The following RIF1 variants were observed in gnomAD, a reference collection of about 807,000 sequenced individuals.
The protein encoded by RIF1 is replication timing regulatory factor 1.
In RIF1, 45 loss-of-function variants were observed where a neutral mutation model predicts 247.1. The ratio of observed to expected loss-of-function variants is 0.18; its 90% CI spans 0.14 to 0.23. The LOEUF (loss-of-function observed/expected upper bound fraction) is 0.23. Among genes scored for constraint, RIF1 ranks in the 10% least tolerant of loss-of-function variants. The probability of loss-of-function intolerance (pLI) is 1.00; values close to 1 mark genes in which losing one functional copy is unlikely to be tolerated. For missense variants in RIF1, 2,967 were observed against 2,862.5 expected (o/e 1.04, Z -0.83); for synonymous variants, 1,087 against 978.8 (o/e 1.11, Z -2.06).
the RIF1 span, chr2:151,527,340 C>A: frequency 2.4e-5 from 18 of 749,644 alleles, no homozygotes; most frequent in Non-Finnish European, 3.9e-5. Flanking sequence ...GCCTATCGCT[C>A]CCCCAACCAT....
intron 10 of RIF1, among the ~76,000 whole-genome samples, chr2:151,498,844 T>C (rs778293502): frequency 6.6e-6 from 1 of 151,554 alleles, no homozygotes; most frequent in South Asian, 2.1e-4. Context: ...GGTGAACACA[T>C]TGAGAACAAC....
intron 12 of RIF1, among the ~76,000 whole-genome samples, chr2:151,503,875 G>C (rs932920118): frequency 1.3e-5 from 2 of 152,038 alleles, no homozygotes; most frequent in African/African-American, 4.8e-5. Context: ...TTTTTGTTTT[G>C]TATGTTCTAA....
intron 20 of RIF1, among the ~76,000 whole-genome samples, chr2:151,449,440 TTTTTCTTTC>T (rs1484527844): frequency 5.3e-5 from 8 of 151,954 alleles, no homozygotes; most frequent in South Asian, 2.1e-4. Context: ...TCTTTCTCTC[TTTTTCTTTC>T]TTTTCTTTCT....
In RIF1 at chr2:151,451,586, A is replaced by AG; in HGVS notation, c.2245-19dup. ...GTCCCAGTACTTGAATGTTTCTAAC[A>AG]GTGGTACTTTCTTCCCTAGAATTTG... On this transcript the variant is annotated intron_variant, in intron 20 of 35. Coordinates refer to ENST00000444746, the MANE Select transcript of RIF1 (RefSeq NM_018151.5). The AG allele has an allele frequency of 8.9e-7, 1 of 1,121,402 alleles. No homozygotes were observed. Among genetic ancestry groups the AG allele is most frequent in the Non-Finnish European group, 1.4e-6 (1 of 732,458 alleles). 69.5% of individuals were successfully genotyped at this position (1,121,402 alleles called of 1,614,324 possible).
At chr2:151,519,966 T>C in the RIF1 span, 1 of 445,096 alleles carries the variant, frequency 2.2e-6, no homozygotes, top group African/African-American at 2.0e-5. Context: ...CATTCAAATA[T>C]ATGATCACTG....
rs1375616312 is a variant in RIF1, at chr2:151,463,843, G to A, written c.4323G>A (p.Lys1441=). 1.2e-6 allele frequency: 2 copies of A among 1,611,632 alleles called. No individual in the cohort carries two copies. The highest frequency in any genetic ancestry group is 3.4e-5 in the Admixed American group (2 of 59,406). Residue 1441 remains lysine (K), a synonymous_variant, in exon 30 of 36, where the codon AAG becomes AAA. Transcript: ENST00000444746. The part of the protein sequence containing the change: ...SQDKENSHQK[K]ERRKEEEKPL... ...ATAAGGAAAATAGTCATCAAAAAAA[G>A]GAACGACGTAAGGAAGAAGAAAAAC...
chr2:151,464,259 T>G lies in RIF1; in HGVS notation c.4739T>G (p.Val1580Gly). The change falls in exon 30 of 36, where the codon GTT becomes GGT. Residue 1580 changes from valine (V) to glycine (G), a missense_variant. Around this residue, in one of 7 missense-constraint regions of RIF1, gnomAD observed 2,028 missense variants for 1,825.6 expected, o/e 1.11. Coordinates refer to ENST00000444746, the MANE Select transcript of RIF1 (RefSeq NM_018151.5). ...TGGAAAAACAAAAGCAATGAAAGTG[T>G]TGACATTCAAGATCAAGAAGAGAAA... ...GKWKNKSNES[V>G]DIQDQEEKVV... 6.2e-7 allele frequency: 1 copy of G among 1,613,908 alleles called. No individual in the cohort carries two copies. The highest frequency in any genetic ancestry group is 8.5e-7 in the Non-Finnish European group (1 of 1,179,970).
intron 11 of RIF1, 79 bp downstream of exon 11, chr2:151,435,659 A>C: frequency 1.3e-6 from 1 of 741,466 alleles, no homozygotes; most frequent in Non-Finnish European, 2.3e-6. Context: ...AAGTAGGAAA[A>C]AAAAAGGCTT....
chr2:151,475,309 T>C lies in RIF1; in HGVS notation c.*238T>C, dbSNP rs1259315966. 6 of 456,260 alleles carry C rather than the reference T, an allele frequency of 1.3e-5. No homozygotes were observed. 28.3% of individuals were successfully genotyped at this position (456,260 alleles called of 1,614,324 possible). A position where few individuals can be genotyped will look rare whatever the true frequency, so the allele number is the denominator to read the frequency against. On this transcript the variant is annotated 3_prime_UTR_variant, in exon 36 of 36. Transcript: ENST00000444746. Reference sequence around the variant, plus strand: ...CTGCTATGCGTGGTTTTTCAGGAAATTTAATTATCTTACTGAGATGTGAAA... The same window carrying C: ...CTGCTATGCGTGGTTTTTCAGGAAACTTAATTATCTTACTGAGATGTGAAA...
chr2:151,520,256 A>T, the RIF1 span, among the ~76,000 whole-genome samples: 3 of 152,176 alleles, frequency 2.0e-5, no homozygotes, highest in Admixed American at 6.5e-5. Context: ...TACTTTGGCT[A>T]TATCATTTAA....
At chr2:151,488,340 C>T (rs2052901326) in intron 9 of RIF1, among the ~76,000 whole-genome samples, 1 of 152,016 alleles carries the variant, frequency 6.6e-6, no homozygotes, top group Non-Finnish European at 1.5e-5. Flanking sequence ...GGAAGGCTTT[C>T]CCCTTTATAT....
At chr2:151,447,257 C>T (rs904385657) in intron 20 of RIF1, among the ~76,000 whole-genome samples, 1 of 152,186 alleles carries the variant, frequency 6.6e-6, no homozygotes, top group Non-Finnish European at 1.5e-5. Flanking sequence ...TCTTTCCCTC[C>T]TCATGGAAAG....
Position 151,443,679 on chromosome 2 carries a change from A to AGTCCT in RIF1, c.1959_1960insCTGTC (p.Thr654LeufsTer5). ...ATCTCTGGAAAATGTGGAGTGTTAT[A>AGTCCT]GTCACCCCATTAACTGAATTGATTA... is the stretch of plus-strand genomic sequence containing the variant. On this transcript the variant is annotated frameshift_variant, in exon 18 of 36. Coordinates refer to ENST00000444746, the MANE Select transcript of RIF1 (RefSeq NM_018151.5). LOFTEE classifies it high-confidence loss of function. 1 of 1,603,028 alleles carries AGTCCT rather than the reference A, an allele frequency of 6.2e-7. No homozygotes were observed. The highest frequency in any genetic ancestry group is 1.8e-5 in the Admixed American group (1 of 56,596).
intron 20 of RIF1, among the ~76,000 whole-genome samples, chr2:151,451,148 TCAA>T (rs1214620926): frequency 6.6e-6 from 1 of 152,178 alleles, no homozygotes; most frequent in Non-Finnish European, 1.5e-5. Flanking sequence ...AATGTGTCAG[TCAA>T]CAACAGACCG....
At chr2:151,528,475 A>G in the RIF1 span, among the ~76,000 whole-genome samples, 1 of 152,158 alleles carries the variant, frequency 6.6e-6, no homozygotes, top group South Asian at 2.1e-4. Context: ...TTTGCAAGGT[A>G]CGTTTTACTG....
rs577963860 is a variant in RIF1, at chr2:151,478,516, T to C, written c.*3445T>C. On this transcript the variant is annotated 3_prime_UTR_variant, in exon 36 of 36. Coordinates refer to ENST00000444746, the MANE Select transcript of RIF1 (RefSeq NM_018151.5). ...GTTTAATTCTAACATTGCCCATGGATTTTTTTTTTTCTGTACAGCTTGAAG... is the reference window on the plus strand; with the variant it reads ...GTTTAATTCTAACATTGCCCATGGACTTTTTTTTTTCTGTACAGCTTGAAG... 1.0e-3 allele frequency: 150 copies of C among 146,984 alleles called. No homozygotes were observed. The highest frequency in any genetic ancestry group is 7.0e-3 in the Middle Eastern group (2 of 284). 9.1% of individuals were successfully genotyped at this position (146,984 alleles called of 1,614,324 possible).
At chr2:151,432,745 C>CTCTACTCACTAGGATGCT (rs1690400880) in intron 9 of RIF1, among the ~76,000 whole-genome samples, 1 of 152,254 alleles carries the variant, frequency 6.6e-6, no homozygotes, top group South Asian at 2.1e-4. Context: ...CGTCCGTAGT[C>CTCTACTCACTAGGATGCT]TCTACTCACT....
intron 20 of RIF1, among the ~76,000 whole-genome samples, chr2:151,450,814 C>T (rs1694183913): frequency 6.6e-6 from 1 of 152,126 alleles, no homozygotes; most frequent in Non-Finnish European, 1.5e-5. Flanking sequence ...GAACTCCAGA[C>T]CTCAGGTGAT....
At chr2:151,506,669 C>G (rs2069218035) in intron 13 of RIF1, among the ~76,000 whole-genome samples, 1 of 152,176 alleles carries the variant, frequency 6.6e-6, no homozygotes, top group Non-Finnish European at 1.5e-5. Flanking sequence ...ACACATGTTA[C>G]TGCCCTGGGA....
Sources: allele counts gnomAD v4.1 joint callset (sites outside exome capture counted in the v4.1 genomes callset), GRCh38; gene constraint gnomAD v4.1.1; regional missense constraint gnomAD v4.1.1; transcripts MANE v1.5; gene names NCBI Gene and HGNC (gene_info 2026-07-23, HGNC 2026-07-21).